Variants in IYD observed in about 807,000 individuals in gnomAD.
IYD encodes the protein iodotyrosine deiodinase.
Under a neutral mutation model 28.4 loss-of-function variants are expected in IYD, and 25 were observed. The ratio of observed to expected loss-of-function variants is 0.88; its 90% CI spans 0.64 to 1.23. IYD has a LOEUF of 1.23. IYD is among the 50% of genes most tolerant of loss of function. The pLI, the probability that IYD is intolerant of heterozygous loss-of-function variation, is 0.00. For synonymous variants in IYD, 140 were observed against 130.8 expected, an observed-to-expected ratio of 1.07 and a Z score of -0.48; for missense variants, 352 against 357.9, an observed-to-expected ratio of 0.98 and a Z score of 0.13.
rs1490791585 is a variant in IYD, at chr6:150,388,630, G to GCTTGCTTTCTTTCTTT, written c.179-719_179-718insGCTTTCTTTCTTTCTT. On this transcript the variant is annotated intron_variant, in intron 1 of 4. Transcript: ENST00000344419. ...TCTAGATTTATAGTCTGGAGTTTTT[G>GCTTGCTTTCTTTCTTT]CTTTCTTTCTTTCTTTCTTTCTTTC... 6.3e-4 allele frequency among the ~76,000 whole-genome samples: 82 copies of GCTTGCTTTCTTTCTTT among 129,398 alleles called. No individual in the cohort carries two copies. The East Asian group carries it at 6.7e-3, about 11-fold the overall frequency. The allele number at this position is 129,398 out of a possible 152,430, so 84.9% of individuals were successfully genotyped here.
chr6:150,387,425 C>A (rs1187526422), intron 1 of IYD, among the ~76,000 whole-genome samples: 6 of 79,640 alleles, frequency 7.5e-5, no homozygotes, highest in East Asian at 3.6e-4. Flanking sequence ...GAAAAAAGTT[C>A]TTGTAAAAAA....
chr6:150,394,197 A>G lies in IYD; in HGVS notation c.629A>G (p.His210Arg). 1 of 1,614,214 alleles carries G rather than the reference A, an allele frequency of 6.2e-7. No homozygotes were observed. Among genetic ancestry groups the G allele is most frequent in the Non-Finnish European group, 8.5e-7 (1 of 1,180,030 alleles). The change falls in exon 4 of 5, where the codon CAC (histidine) becomes CGC (arginine). Residue 210 changes from histidine (H) to arginine (R), a missense_variant. Physicochemically the swap from His to Arg is conservative, Grantham distance 29 (BLOSUM62 0). Coordinates refer to ENST00000344419, the MANE Select transcript of IYD (RefSeq NM_203395.3). ...GCCGCAAATGGCAAGAAAAAAGTCC[A>G]CTACTACAATGAGATCAGTGTTTCC... ...GFAANGKKKV[H>R]YYNEISVSIA...
chr6:150,387,825 CTGT>C (rs1359435567), intron 1 of IYD, among the ~76,000 whole-genome samples: 1 of 151,710 alleles, frequency 6.6e-6, no homozygotes, highest in African/African-American at 2.4e-5. Context: ...TTTATTTTTG[CTGT>C]TGTTTTTATT....
chr6:150,405,616 T>C lies in IYD; in HGVS notation c.*7379T>C, dbSNP rs773141251. 2 of 151,954 alleles carry C rather than the reference T, an allele frequency of 1.3e-5. No homozygotes were observed. Among genetic ancestry groups the C allele is most frequent in the Non-Finnish European group, 2.9e-5 (2 of 68,006 alleles). 9.4% of individuals were successfully genotyped at this position (151,954 alleles called of 1,614,324 possible). On this transcript the variant is annotated 3_prime_UTR_variant, in exon 5 of 5. Transcript: ENST00000344419. ...AGGAAGCAGAAGAATGACAACTGAG[T>C]GAATGGGGAAACCCCTTATAAAGCC... is the stretch of plus-strand genomic sequence containing the variant.
At chr6:150,395,029 C>A (rs867161933) in intron 4 of IYD, among the ~76,000 whole-genome samples, 14 of 152,164 alleles carry the variant, frequency 9.2e-5, no homozygotes, top group South Asian at 6.2e-4. Flanking sequence ...TGCCATATTG[C>A]CTAGGCTAGT....
chr6:150,387,429 T>TAAAAA (rs35642662), intron 1 of IYD, among the ~76,000 whole-genome samples: 3 of 133,878 alleles, frequency 2.2e-5, no homozygotes, highest in African/African-American at 8.1e-5. Context: ...AAAGTTCTTG[T>TAAAAA]AAAAAAAAAA....
chr6:150,387,658 A>G (rs1049516513), intron 1 of IYD, among the ~76,000 whole-genome samples: 2 of 151,792 alleles, frequency 1.3e-5, no homozygotes, highest in Admixed American at 6.6e-5. Context: ...TCCTTGCCCA[A>G]TTCTAAGTGT....
At chr6:150,370,439 G>C in intron 1 of IYD, 4 of 961,436 alleles carry the variant, frequency 4.2e-6, no homozygotes, top group South Asian at 4.8e-5. Context: ...GTTTGTGAGA[G>C]AGTGTGTGCA....
chr6:150,385,143 C>A (rs1175398644), intron 1 of IYD: 1 of 152,164 alleles, frequency 6.6e-6, no homozygotes, highest in Non-Finnish European at 1.5e-5. Context: ...TGTAACAGTT[C>A]TTTTCTCATG....
At chr6:150,384,043 G>A (rs1777766758) in intron 1 of IYD, among the ~76,000 whole-genome samples, 1 of 152,092 alleles carries the variant, frequency 6.6e-6, no homozygotes, top group South Asian at 2.1e-4. Context: ...CACAATTTAG[G>A]TAGTACAATA....
chr6:150,381,445 TCTC>T (rs1777642592), intron 1 of IYD, among the ~76,000 whole-genome samples: 1 of 152,168 alleles, frequency 6.6e-6, no homozygotes, highest in Non-Finnish European at 1.5e-5. Context: ...ATGGCCTTCT[TCTC>T]ATTGAAAAAA....
chr6:150,389,890 C>T (rs1778045597), intron 2 of IYD, among the ~76,000 whole-genome samples: 1 of 152,038 alleles, frequency 6.6e-6, no homozygotes. Context: ...TAAAACACAC[C>T]AGACATACAC....
At chr6:150,378,550 T>A in intron 1 of IYD, among the ~76,000 whole-genome samples, 1 of 152,188 alleles carries the variant, frequency 6.6e-6, no homozygotes, top group Non-Finnish European at 1.5e-5. Flanking sequence ...GTGCTCACCA[T>A]CACTGGCCAT....
At chr6:150,392,042 A>T (rs1778139845) in intron 2 of IYD, among the ~76,000 whole-genome samples, 1 of 152,062 alleles carries the variant, frequency 6.6e-6, no homozygotes, top group Non-Finnish European at 1.5e-5. Context: ...CTTAAAAAAA[A>T]AAAAGTTTTT....
chr6:150,391,161 C>T (rs959519588), intron 2 of IYD, among the ~76,000 whole-genome samples: 1 of 150,866 alleles, frequency 6.6e-6, no homozygotes, highest in Admixed American at 6.6e-5. Flanking sequence ...CGCTTGAACC[C>T]GGGAGGTGGA....
Position 150,398,554 on chromosome 6 carries a change from G to T in IYD, c.*317G>T. Reference sequence around the variant, plus strand: ...TTTATTTTTAAAAAACTCACATAGAGGAGACAATCAGAAATTTACCATAGT... The same window carrying T: ...TTTATTTTTAAAAAACTCACATAGATGAGACAATCAGAAATTTACCATAGT... On this transcript the variant is annotated 3_prime_UTR_variant, in exon 5 of 5. Transcript: ENST00000344419. 1 of 255,412 alleles carries T rather than the reference G, an allele frequency of 3.9e-6. No homozygotes were observed. Among genetic ancestry groups the T allele is most frequent in the Non-Finnish European group, 7.5e-6 (1 of 133,668 alleles). 15.8% of individuals were successfully genotyped at this position (255,412 alleles called of 1,614,324 possible). A position where few individuals can be genotyped will look rare whatever the true frequency, so the allele number is the denominator to read the frequency against.
intron 4 of IYD, among the ~76,000 whole-genome samples, chr6:150,394,910 C>G (rs1262459260): frequency 1.3e-5 from 2 of 152,182 alleles, no homozygotes; most frequent in African/African-American, 4.8e-5. Flanking sequence ...CTCACTGCAG[C>G]CTTGACCCCC....
chr6:150,370,359 A>G (rs2115008111), intron 1 of IYD: 1 of 327,560 alleles, frequency 3.1e-6, no homozygotes, highest in African/African-American at 2.3e-5. Context: ...ACGTGTGTGC[A>G]TGAGTGTGTG....
Position 150,398,283 on chromosome 6 carries a change from T to G in IYD, c.*46T>G. 6.3e-7 allele frequency: 1 copy of G among 1,582,234 alleles called. No individual in the cohort carries two copies. Reference sequence around the variant, plus strand: ...GGCAGGGAGATGGCGCCCCTGCTTTTCCCTGAGCCTCTCGCCTGCTCCTCT... The same window carrying G: ...GGCAGGGAGATGGCGCCCCTGCTTTGCCCTGAGCCTCTCGCCTGCTCCTCT... On this transcript the variant is annotated 3_prime_UTR_variant, in exon 5 of 5. Transcript: ENST00000344419.
Sources: allele counts gnomAD v4.1 joint callset (sites outside exome capture counted in the v4.1 genomes callset), GRCh38; gene constraint gnomAD v4.1.1; transcripts MANE v1.5; gene names NCBI Gene and HGNC (gene_info 2026-07-23, HGNC 2026-07-21).